The following CTSC variants were observed in gnomAD, a reference collection of about 807,000 sequenced individuals.
CTSC encodes the protein dipeptidyl peptidase 1.
In CTSC, 37 loss-of-function variants were observed where a neutral mutation model predicts 40.9. That is an observed-to-expected ratio of 0.91 (90% CI 0.70 to 1.19). CTSC has a LOEUF of 1.19. CTSC is among the 50% of genes most tolerant of loss of function. CTSC has a pLI of 0.00. For synonymous variants in CTSC, 232 were observed against 207.4 expected (o/e 1.12, Z -1.02); for missense variants, 594 against 567.3 (o/e 1.05, Z -0.48).
In CTSC at chr11:88,301,461, G is replaced by A. The variant is rs570180770; in HGVS notation, c.642-816C>T. ...TACTTAGGCCCACTCCCATCCTGTG[G>A]AGTGTGCTTTCATTTTCAATAAATC... On this transcript the variant is annotated intron_variant, in intron 4 of 6. Transcript: ENST00000227266. Among the ~76,000 whole-genome samples the A allele has an allele frequency of 2.6e-5, 4 of 152,214 alleles. No homozygotes were observed. In the South Asian group the frequency reaches 6.2e-4, roughly 24 times the overall value.
At chr11:88,300,472 A>T in intron 5 of CTSC, 58 bp downstream of exon 5, 1 of 1,029,346 alleles carries the variant, frequency 9.7e-7, no homozygotes, top group South Asian at 1.3e-5. Context: ...CACACAGAGC[A>T]ACTGTTCAAT....
intron 2 of CTSC, 88 bp downstream of exon 2, chr11:88,334,849 A>C: frequency 1.0e-6 from 1 of 984,680 alleles, no homozygotes; most frequent in African/African-American, 1.6e-5. Context: ...TCTTAATCTA[A>C]AATTAAAATT....
intron 4 of CTSC, among the ~76,000 whole-genome samples, chr11:88,302,550 CAG>C (rs2134774232): frequency 6.9e-6 from 1 of 145,824 alleles, no homozygotes; most frequent in African/African-American, 2.6e-5. Context: ...GGCATGAACC[CAG>C]GAGGTGGAGC....
rs1944348869 is a variant in CTSC at position 88,300,601 on chromosome 11, A to C, written c.686T>G (p.Leu229Trp). ...CCAGTCCCAAGATGTTGGCAAATGC[A>C]AAATCTTTTGCTGTATTTCAGCAGT... is the stretch of plus-strand genomic sequence containing the variant. The part of the protein sequence containing the change: ...PLTAEIQQKI[L>W]HLPTSWDWRN... Residue 229 changes from leucine (L) to tryptophan (W), a missense_variant, in exon 5 of 7, where the codon TTG (leucine) becomes TGG (tryptophan). Coordinates refer to ENST00000227266, the MANE Select transcript of CTSC (RefSeq NM_001814.6). 1 of 1,613,804 alleles carries C rather than the reference A, an allele frequency of 6.2e-7. No homozygotes were observed. The highest frequency in any genetic ancestry group is 1.1e-5 in the South Asian group (1 of 91,082).
rs569409823 is a variant in CTSC, at chr11:88,306,276, T to C, written c.641+2887A>G. 4.2e-4 allele frequency among the ~76,000 whole-genome samples: 64 copies of C among 152,212 alleles called. 1 individual carries two copies. The highest frequency in any genetic ancestry group is 2.6e-3 in the Admixed American group (39 of 15,280). The stretch of plus-strand genomic sequence containing the variant: ...ATTATTAGTCTGCAGATGAAAAAGT[T>C]AGTAATGTTGATATGGACAGGAGAC... On this transcript the variant is annotated intron_variant, in intron 4 of 6. Transcript: ENST00000227266.
At chr11:88,320,449 C>T (rs1937975154) in intron 2 of CTSC, among the ~76,000 whole-genome samples, 1 of 152,214 alleles carries the variant, frequency 6.6e-6, no homozygotes, top group Non-Finnish European at 1.5e-5. Context: ...ATCCACTCCT[C>T]AGCTCATGTT....
Position 88,337,500 on chromosome 11 carries a change from C to T in CTSC, c.172+1G>A. ...GGAGGACTGCCGAGCCGGCGGCTTA[C>T]CCATAACCGAGCAGTTGACATCGCG... On this transcript the variant is annotated splice_donor_variant, in intron 1 of 6. Coordinates refer to ENST00000227266, the MANE Select transcript of CTSC (RefSeq NM_001814.6). LOFTEE classifies it high-confidence loss of function. The T allele has an allele frequency of 6.4e-7, 1 of 1,570,584 alleles. No individual in the cohort carries two copies. Among genetic ancestry groups the T allele is most frequent in the Non-Finnish European group, 8.6e-7 (1 of 1,156,920 alleles).
intron 2 of CTSC, among the ~76,000 whole-genome samples, chr11:88,331,074 C>A (rs1002164902): frequency 3.3e-5 from 5 of 152,160 alleles, no homozygotes; most frequent in Non-Finnish European, 7.4e-5. Flanking sequence ...GTGCTTTTTC[C>A]TATTCTCAGT....
At chr11:88,311,007 G>A (rs916114700) in intron 3 of CTSC, among the ~76,000 whole-genome samples, 10 of 152,186 alleles carry the variant, frequency 6.6e-5, no homozygotes, top group Admixed American at 4.6e-4. Flanking sequence ...TATTTTTGGT[G>A]TTTAAGATCC....
intron 4 of CTSC, among the ~76,000 whole-genome samples, chr11:88,303,326 C>T (rs545925443): frequency 2.6e-5 from 4 of 152,262 alleles, no homozygotes; most frequent in African/African-American, 9.6e-5. Flanking sequence ...AGGCTGAGGG[C>T]TCCGTCCCAC....
intron 4 of CTSC, among the ~76,000 whole-genome samples, chr11:88,305,341 C>T (rs1367222298): frequency 6.6e-6 from 1 of 152,156 alleles, no homozygotes; most frequent in Non-Finnish European, 1.5e-5. Flanking sequence ...GCACAAGATC[C>T]AAGAGCCCTC....
At chr11:88,329,066 T>C (rs1938269656) in intron 2 of CTSC, among the ~76,000 whole-genome samples, 1 of 152,220 alleles carries the variant, frequency 6.6e-6, no homozygotes, top group African/African-American at 2.4e-5. Flanking sequence ...CTCTACATAT[T>C]TCCTCAGCCC....
intron 2 of CTSC, among the ~76,000 whole-genome samples, chr11:88,330,911 T>C (rs1938336391): frequency 1.3e-5 from 2 of 152,218 alleles, no homozygotes; most frequent in African/African-American, 4.8e-5. Flanking sequence ...AGCAAGTTTC[T>C]AGCAATAGGA....
intron 2 of CTSC, among the ~76,000 whole-genome samples, chr11:88,330,891 A>G (rs1326692711): frequency 6.6e-6 from 1 of 152,224 alleles, no homozygotes; most frequent in Non-Finnish European, 1.5e-5. Flanking sequence ...GAATAAACAG[A>G]ACTTAATAAA....
chr11:88,318,881 C>T (rs905722939), intron 2 of CTSC, among the ~76,000 whole-genome samples: 1 of 151,964 alleles, frequency 6.6e-6, no homozygotes, highest in Non-Finnish European at 1.5e-5. Context: ...GCACCCCAGC[C>T]TTGGCAAAAA....
In CTSC at chr11:88,294,616, T is replaced by TG; in HGVS notation, c.890-109dup. ...TTCTTTGCATGTTACCCCTGAAAGTTGTTCTTAGCTTAAGCATCACTTCAT... is the reference window on the plus strand; with the variant it reads ...TTCTTTGCATGTTACCCCTGAAAGTTGGTTCTTAGCTTAAGCATCACTTCAT... On this transcript the variant is annotated intron_variant, in intron 6 of 6. Coordinates refer to ENST00000227266, the MANE Select transcript of CTSC (RefSeq NM_001814.6). 4.8e-6 allele frequency: 6 copies of TG among 1,256,560 alleles called. 1 individual carries two copies. Among genetic ancestry groups the TG allele is most frequent in the Non-Finnish European group, 6.8e-6 (6 of 884,098 alleles). The allele number at this position is 1,256,560 out of a possible 1,614,324, so 77.8% of individuals were successfully genotyped here. A position where few individuals can be genotyped will look rare whatever the true frequency, so the allele number is the denominator to read the frequency against.
intron 4 of CTSC, among the ~76,000 whole-genome samples, chr11:88,302,337 G>T (rs757606378): frequency 1.3e-5 from 2 of 152,062 alleles, no homozygotes; most frequent in African/African-American, 2.4e-5. Context: ...AAGAATACAT[G>T]ACAAGGGGCC....
chr11:88,325,513 C>T (rs1434926626), intron 2 of CTSC: 5 of 985,180 alleles, frequency 5.1e-6, no homozygotes, highest in Admixed American at 6.2e-5. Flanking sequence ...TATTTAGCCC[C>T]AAGGAAGTCT....
chr11:88,310,280 T>C (rs950564853), intron 3 of CTSC, among the ~76,000 whole-genome samples: 2 of 151,884 alleles, frequency 1.3e-5, no homozygotes, highest in Admixed American at 6.6e-5. Flanking sequence ...TGGATATATA[T>C]GTAAATAGAT....
Sources: gnomAD v4.1 joint callset for allele counts (sites outside exome capture counted in the v4.1 genomes callset) on GRCh38, gnomAD v4.1.1 for gene constraint, MANE v1.5 for transcripts, NCBI Gene and HGNC (gene_info 2026-07-23, HGNC 2026-07-21) for gene names.